ROBO2: variants seen among roughly 807,000 people sequenced by gnomAD.
The protein encoded by ROBO2 is roundabout homolog 2.
A neutral mutation model predicts 160.8 loss-of-function variants in ROBO2; 53 were observed. The observed-to-expected ratio is 0.33, with a 90% CI of 0.26 to 0.41. The LOEUF is 0.41. ROBO2 is among the 10% of genes least tolerant of loss of function. ROBO2 has a pLI of 1.00. For missense variants in ROBO2, 1,577 were observed against 1,722.4 expected, an observed-to-expected ratio of 0.92 and a Z score of 1.49; for synonymous variants, 664 against 611.7, an observed-to-expected ratio of 1.09 and a Z score of -1.26.
At chr3:77,126,713 T>TATATATATATATATATATATA (rs564861880) in intron 2 of ROBO2, among the ~76,000 whole-genome samples, 2 of 138,740 alleles carry the variant, frequency 1.4e-5, no homozygotes, top group African/African-American at 6.7e-5. Context: ...TATATATATA[T>TATATATATATATATATATATA]TTTTTTTCCT....
intron 2 of ROBO2, among the ~76,000 whole-genome samples, chr3:76,138,879 A>G (rs930350170): frequency 3.3e-5 from 5 of 152,116 alleles, no homozygotes; most frequent in South Asian, 2.1e-4. Context: ...ATGTTTTCAA[A>G]GTTCAGTAAA....
chr3:76,273,471 G>C (rs1460566117), intron 2 of ROBO2, among the ~76,000 whole-genome samples: 1 of 152,012 alleles, frequency 6.6e-6, no homozygotes, highest in African/African-American at 2.4e-5. Flanking sequence ...AATTTATAAA[G>C]AAAAGAGGTT....
intron 2 of ROBO2, among the ~76,000 whole-genome samples, chr3:75,997,133 A>G (rs2065751438): frequency 6.6e-6 from 1 of 152,220 alleles, no homozygotes; most frequent in African/African-American, 2.4e-5. Context: ...AGCCTGATTA[A>G]TATAAGTATT....
intron 2 of ROBO2, among the ~76,000 whole-genome samples, chr3:77,380,665 CTCCCTCTCTCCCTCCT>C (rs2073324587): frequency 6.6e-6 from 1 of 150,444 alleles, no homozygotes; most frequent in Non-Finnish European, 1.5e-5. Flanking sequence ...TCTTCCCTCC[CTCCCTCTCTCCCTCCT>C]TCCCTCCCTC....
At chr3:77,295,768 A>G (rs530991721) in intron 2 of ROBO2, among the ~76,000 whole-genome samples, 2 of 151,084 alleles carry the variant, frequency 1.3e-5, no homozygotes, top group African/African-American at 2.4e-5. Flanking sequence ...CACCCCAGAC[A>G]TAAAGTAAAA....
intron 2 of ROBO2, among the ~76,000 whole-genome samples, chr3:77,104,234 C>G (rs1186137749): frequency 6.6e-6 from 1 of 152,124 alleles, no homozygotes; most frequent in Admixed American, 6.5e-5. Context: ...CCTCTCACCC[C>G]AGCCCTAAGT....
At chr3:77,248,980 C>T (rs755728537) in intron 2 of ROBO2, among the ~76,000 whole-genome samples, 12 of 152,096 alleles carry the variant, frequency 7.9e-5, no homozygotes, top group South Asian at 2.1e-4. Context: ...CGGGTTCAAG[C>T]GATCCTCCTG....
intron 2 of ROBO2, among the ~76,000 whole-genome samples, chr3:76,012,680 T>C (rs1373639402): frequency 1.3e-5 from 2 of 152,220 alleles, no homozygotes; most frequent in African/African-American, 2.4e-5. Flanking sequence ...AAAGACTTTT[T>C]TAAAAATCCG....
chr3:76,828,665 A>G (rs917671691), intron 2 of ROBO2, among the ~76,000 whole-genome samples: 1 of 152,084 alleles, frequency 6.6e-6, no homozygotes, highest in Non-Finnish European at 1.5e-5. Flanking sequence ...TAAAATATTC[A>G]CCTTCATAGT....
intron 2 of ROBO2, among the ~76,000 whole-genome samples, chr3:75,940,159 A>G (rs1947984319): frequency 6.6e-6 from 1 of 152,210 alleles, no homozygotes; most frequent in Admixed American, 6.5e-5. Flanking sequence ...GGGGAGTCCC[A>G]ATGTTCCTTC....
chr3:77,384,683 A>G (rs1351546962), intron 2 of ROBO2, among the ~76,000 whole-genome samples: 1 of 152,228 alleles, frequency 6.6e-6, no homozygotes, highest in African/African-American at 2.4e-5. Context: ...AAGATAATAA[A>G]TTAATGAGCA....
At chr3:76,228,468 GACA>G (rs1297785389) in intron 2 of ROBO2, among the ~76,000 whole-genome samples, 2 of 152,000 alleles carry the variant, frequency 1.3e-5, no homozygotes, top group South Asian at 2.1e-4. Context: ...ATTACAGACA[GACA>G]GTTTTTTGGA....
At chr3:76,645,577 C>CAG (rs555442056) in intron 2 of ROBO2, among the ~76,000 whole-genome samples, 2 of 151,812 alleles carry the variant, frequency 1.3e-5, no homozygotes, top group African/African-American at 4.8e-5. Flanking sequence ...TTAGTCTAGA[C>CAG]AGAGAGAGAG....
At chr3:77,395,704 A>G (rs1269482543) in intron 2 of ROBO2, among the ~76,000 whole-genome samples, 2 of 152,176 alleles carry the variant, frequency 1.3e-5, no homozygotes, top group East Asian at 1.9e-4. Context: ...CTTTTATGAG[A>G]GTTTAACTGA....
At chr3:77,425,669 CT>C (rs756195644) in intron 2 of ROBO2, among the ~76,000 whole-genome samples, 506 of 140,446 alleles carry the variant, frequency 3.6e-3, no homozygotes, top group Middle Eastern at 0.015. Context: ...CAATATGACT[CT>C]TTTTTTTTTT....
At chr3:76,830,158 A>G (rs940557418) in intron 2 of ROBO2, among the ~76,000 whole-genome samples, 2 of 151,824 alleles carry the variant, frequency 1.3e-5, no homozygotes, top group African/African-American at 2.4e-5. Flanking sequence ...AACAGCTACA[A>G]CTCAACTGTC....
intron 2 of ROBO2, among the ~76,000 whole-genome samples, chr3:77,327,425 A>C (rs1159431535): frequency 6.6e-6 from 1 of 152,070 alleles, no homozygotes; most frequent in Non-Finnish European, 1.5e-5. Context: ...ATAAATAACA[A>C]ATTGTAGGGT....
chr3:77,154,582 A>G (rs2077823334), intron 2 of ROBO2, among the ~76,000 whole-genome samples: 1 of 152,094 alleles, frequency 6.6e-6, no homozygotes, highest in African/African-American at 2.4e-5. Flanking sequence ...CAAGTTCATC[A>G]CAACAGTATT....
At chr3:76,889,948 C>T (rs571511694) in intron 2 of ROBO2, among the ~76,000 whole-genome samples, 19 of 152,134 alleles carry the variant, frequency 1.2e-4, no homozygotes, top group African/African-American at 4.6e-4. Flanking sequence ...ATGGGCTATG[C>T]AAGAGACCTG....
Sources: gnomAD v4.1 joint callset for allele counts (sites outside exome capture counted in the v4.1 genomes callset) on GRCh38, gnomAD v4.1.1 for gene constraint, MANE v1.5 for transcripts, NCBI Gene and HGNC (gene_info 2026-07-23, HGNC 2026-07-21) for gene names.